The following STAU2 variants were observed in gnomAD, a reference collection of about 807,000 sequenced individuals.
STAU2 encodes the protein double-stranded RNA-binding protein Staufen homolog 2.
Under a neutral mutation model 65.9 loss-of-function variants are expected in STAU2, and 20 were observed. That is an observed-to-expected ratio of 0.30 (90% CI 0.21 to 0.44). The LOEUF (loss-of-function observed/expected upper bound fraction) is 0.44, where lower values mean the gene tolerates loss of function less well. STAU2 is among the 20% of genes least tolerant of loss of function. STAU2 has a pLI of 1.00. For missense variants in STAU2, 558 were observed against 683.9 expected, an observed-to-expected ratio of 0.82 and a Z score of 2.05; for synonymous variants, 232 against 233.9, an observed-to-expected ratio of 0.99 and a Z score of 0.07.
chr8:73,508,008 G>A (rs911125153), intron 13 of STAU2, among the ~76,000 whole-genome samples: 1 of 152,204 alleles, frequency 6.6e-6, no homozygotes, highest in Non-Finnish European at 1.5e-5. Context: ...TTTGGCTTAA[G>A]AGAATGCTGT....
intron 9 of STAU2, 30 bp from the exon 10 acceptor site, chr8:73,603,893 A>C: frequency 1.3e-6 from 2 of 1,577,428 alleles, no homozygotes; most frequent in Non-Finnish European, 1.7e-6. Flanking sequence ...AAAGTTTTAA[A>C]ATATGCTTGT....
At chr8:73,624,472 G>A (rs569526235) in intron 6 of STAU2, among the ~76,000 whole-genome samples, 1 of 152,230 alleles carries the variant, frequency 6.6e-6, no homozygotes, top group East Asian at 1.9e-4. Flanking sequence ...CATAATTAGA[G>A]CTAAAACATA....
chr8:73,485,306 G>T (rs984369315), intron 13 of STAU2, among the ~76,000 whole-genome samples: 1 of 151,798 alleles, frequency 6.6e-6, no homozygotes, highest in African/African-American at 2.4e-5. Context: ...AGCTTCCAGA[G>T]TAGCTAAATT....
intron 5 of STAU2, among the ~76,000 whole-genome samples, chr8:73,685,883 C>T (rs997756706): frequency 3.9e-5 from 6 of 152,198 alleles, no homozygotes; most frequent in Middle Eastern, 3.4e-3. Context: ...TTCACAATTG[C>T]GAAAACATAA....
chr8:73,525,091 A>G (rs982327372), intron 13 of STAU2, among the ~76,000 whole-genome samples: 1 of 152,212 alleles, frequency 6.6e-6, no homozygotes, highest in Non-Finnish European at 1.5e-5. Flanking sequence ...CCACTACAAT[A>G]GTGTTTGATG....
At chr8:73,595,363 C>T (rs1289916995) in intron 10 of STAU2, 66 bp from the exon 11 acceptor site, 5 of 1,404,860 alleles carry the variant, frequency 3.6e-6, no homozygotes, top group Admixed American at 4.8e-5. Flanking sequence ...GAAGTCCTTA[C>T]ATCATAAAGC....
intron 12 of STAU2, among the ~76,000 whole-genome samples, chr8:73,566,749 T>C (rs969910194): frequency 6.6e-6 from 1 of 151,986 alleles, no homozygotes; most frequent in Admixed American, 6.6e-5. Context: ...ACATGTGAGG[T>C]TGGACATTCT....
At chr8:73,427,772 G>C (rs767506554) in intron 13 of STAU2, among the ~76,000 whole-genome samples, 2 of 152,204 alleles carry the variant, frequency 1.3e-5, no homozygotes, top group Non-Finnish European at 2.9e-5. Flanking sequence ...CCATTTTCAC[G>C]GAGTGGGCTC....
chr8:73,598,469 C>T (rs1040905493), intron 10 of STAU2, among the ~76,000 whole-genome samples: 7 of 152,054 alleles, frequency 4.6e-5, no homozygotes, highest in African/African-American at 4.8e-5. Context: ...CCTCGTGATC[C>T]GCCCACCTCG....
intron 9 of STAU2, among the ~76,000 whole-genome samples, chr8:73,607,724 C>T (rs1283770068): frequency 1.4e-5 from 2 of 141,280 alleles, no homozygotes; most frequent in Admixed American, 7.3e-5. Flanking sequence ...GCAACAAGAG[C>T]GAAACTCCGT....
chr8:73,509,474 T>G (rs973045803), intron 13 of STAU2, among the ~76,000 whole-genome samples: 2 of 152,150 alleles, frequency 1.3e-5, no homozygotes, highest in African/African-American at 2.4e-5. Flanking sequence ...AATAAATTTT[T>G]AAAAGCAGAG....
intron 12 of STAU2, among the ~76,000 whole-genome samples, chr8:73,571,463 C>T (rs147909825): frequency 0.01 from 1,562 of 152,294 alleles, 13 homozygotes; most frequent in South Asian, 0.021. Flanking sequence ...AGCACCACAT[C>T]GCACTTATTC....
intron 13 of STAU2, among the ~76,000 whole-genome samples, chr8:73,542,199 T>TA (rs368411737): frequency 3.7e-4 from 57 of 152,262 alleles, no homozygotes; most frequent in African/African-American, 1.3e-3. Flanking sequence ...CTTTAAGTAT[T>TA]AAGAGGAGAG....
At chr8:73,568,009 G>T (rs190717786) in intron 12 of STAU2, among the ~76,000 whole-genome samples, 1 of 152,230 alleles carries the variant, frequency 6.6e-6, no homozygotes, top group East Asian at 1.9e-4. Context: ...ATGAAAGAAT[G>T]AATGATGCAT....
At chr8:73,458,221 G>A (rs1460107479) in intron 13 of STAU2, among the ~76,000 whole-genome samples, 2 of 152,080 alleles carry the variant, frequency 1.3e-5, no homozygotes, top group African/African-American at 4.8e-5. Flanking sequence ...GGATTGACTT[G>A]GAATTTTGGT....
At chr8:73,535,976 T>TA (rs201822183) in intron 13 of STAU2, among the ~76,000 whole-genome samples, 5 of 152,090 alleles carry the variant, frequency 3.3e-5, no homozygotes, top group African/African-American at 4.8e-5. Flanking sequence ...TTTAATTTTT[T>TA]TAAAAAAAAT....
At chr8:73,523,729 C>T (rs191413444) in intron 13 of STAU2, among the ~76,000 whole-genome samples, 232 of 152,206 alleles carry the variant, frequency 1.5e-3, no homozygotes, top group Middle Eastern at 6.8e-3. Context: ...TAACTGACAA[C>T]AAGGCCAGTG....
intron 13 of STAU2, among the ~76,000 whole-genome samples, chr8:73,530,285 C>G (rs773744334): frequency 1.5e-4 from 23 of 152,114 alleles, no homozygotes; most frequent in Non-Finnish European, 3.1e-4. Flanking sequence ...TCCTATTGGC[C>G]CATAACTGAC....
intron 12 of STAU2, among the ~76,000 whole-genome samples, chr8:73,582,497 A>G (rs1264483681): frequency 7.9e-5 from 12 of 151,574 alleles, no homozygotes; most frequent in Non-Finnish European, 1.5e-5. Flanking sequence ...ATGTTGTTTC[A>G]ATAAAAATGG....
Sources: gnomAD v4.1 joint callset for allele counts (sites outside exome capture counted in the v4.1 genomes callset) on GRCh38, gnomAD v4.1.1 for gene constraint, MANE v1.5 for transcripts, NCBI Gene and HGNC (gene_info 2026-07-23, HGNC 2026-07-21) for gene names.